Variants in PTPRD observed in about 807,000 individuals in gnomAD.
PTPRD encodes the protein receptor-type tyrosine-protein phosphatase delta.
A neutral mutation model predicts 214.5 loss-of-function variants in PTPRD; 34 were observed. The observed-to-expected ratio is 0.16, with a 90% CI of 0.12 to 0.21. PTPRD has a LOEUF of 0.21. PTPRD is among the 10% of genes least tolerant of loss of function. The probability of loss-of-function intolerance (pLI) is 1.00; values close to 1 mark genes in which losing one functional copy is unlikely to be tolerated. For synonymous variants in PTPRD, 1,128 were observed against 845.7 expected (o/e 1.33, Z -5.79); for missense variants, 2,545 against 2,398.7 (o/e 1.06, Z -1.27).
chr9:10,048,610 T>C (rs2097453262), intron 3 of PTPRD, among the ~76,000 whole-genome samples: 1 of 152,052 alleles, frequency 6.6e-6, no homozygotes, highest in Non-Finnish European at 1.5e-5. Flanking sequence ...AAAACCACTC[T>C]AGAAACTGCT....
At chr9:9,393,586 A>G (rs1018411043) in intron 9 of PTPRD, among the ~76,000 whole-genome samples, 2 of 152,126 alleles carry the variant, frequency 1.3e-5, no homozygotes, top group Non-Finnish European at 2.9e-5. Flanking sequence ...ATCATGAGGA[A>G]TAACAAATTT....
At chr9:9,066,508 C>G (rs2099734618) in intron 10 of PTPRD, among the ~76,000 whole-genome samples, 1 of 152,056 alleles carries the variant, frequency 6.6e-6, no homozygotes, top group Non-Finnish European at 1.5e-5. Context: ...ATAGTCATGT[C>G]TTAATCCTGG....
At chr9:9,575,248 A>G (rs1477715066) in intron 7 of PTPRD, among the ~76,000 whole-genome samples, 2 of 152,164 alleles carry the variant, frequency 1.3e-5, no homozygotes, top group Non-Finnish European at 2.9e-5. Context: ...ATAAATAACT[A>G]TCCGTGATAT....
chr9:9,380,178 A>G (rs1368189112), intron 9 of PTPRD, among the ~76,000 whole-genome samples: 4 of 152,004 alleles, frequency 2.6e-5, no homozygotes, highest in Non-Finnish European at 5.9e-5. Context: ...AACTCTCCCT[A>G]TATCCCTAGT....
intron 3 of PTPRD, among the ~76,000 whole-genome samples, chr9:10,275,749 G>A (rs1446822224): frequency 4.6e-5 from 7 of 152,120 alleles, no homozygotes; most frequent in South Asian, 2.1e-4. Flanking sequence ...AAATGGTCAC[G>A]TTAACAAATC....
chr9:8,860,540 G>T (rs1389478805), intron 11 of PTPRD: 1 of 152,210 alleles, frequency 6.6e-6, no homozygotes, highest in Non-Finnish European at 1.5e-5. Flanking sequence ...TGATGCTGCT[G>T]AAAAACGGGA....
intron 8 of PTPRD, among the ~76,000 whole-genome samples, chr9:9,462,487 A>G (rs1199933574): frequency 8.5e-5 from 13 of 152,150 alleles, no homozygotes; most frequent in Admixed American, 3.3e-4. Flanking sequence ...ACTTAAAATT[A>G]TTTTAGATTT....
rs184044026 is a variant in PTPRD, at chr9:10,549,756, T to C, written c.-600+62642A>G. On this transcript the variant is annotated intron_variant, in intron 2 of 45. Transcript: ENST00000381196. ...TTGTTTGTCTTCTTCATAAAAACTA[T>C]CTGATAATTCTTGGGAGTATTCCAC... Among the ~76,000 whole-genome samples, 265 of 152,296 alleles carry C rather than the reference T, an allele frequency of 1.7e-3. 2 individuals are homozygous for C. The highest frequency in any genetic ancestry group is 6.2e-3 in the African/African-American group (256 of 41,566).
Position 9,726,599 on chromosome 9 carries a change from C to T in PTPRD, c.-287+7934G>A, listed in dbSNP as rs934638142. 2.0e-5 allele frequency among the ~76,000 whole-genome samples: 3 copies of T among 152,272 alleles called. No homozygotes were observed. In the South Asian group the frequency reaches 6.2e-4, roughly 32 times the overall value. Reference sequence around the variant, plus strand: ...GTGTAATATTTCATTTCAGGAATCTCAATCATCTTCCACTATTTCTCATTT... The same window carrying T: ...GTGTAATATTTCATTTCAGGAATCTTAATCATCTTCCACTATTTCTCATTT... On this transcript the variant is annotated intron_variant, in intron 7 of 45. Coordinates refer to ENST00000381196, the MANE Select transcript of PTPRD (RefSeq NM_002839.4).
At chr9:10,462,821 T>C (rs2098968243) in intron 2 of PTPRD, among the ~76,000 whole-genome samples, 1 of 151,796 alleles carries the variant, frequency 6.6e-6, no homozygotes, top group Non-Finnish European at 1.5e-5. Flanking sequence ...GAGAAAGTAG[T>C]ACATTGTAAA....
chr9:9,175,627 A>AGAACAAAC (rs2099924271), intron 10 of PTPRD, among the ~76,000 whole-genome samples: 1 of 18,066 alleles, frequency 5.5e-5, no homozygotes, highest in Admixed American at 1.0e-3. Context: ...TGTCTCAAAA[A>AGAACAAAC]AAAAAAAAAA....
chr9:8,813,201 A>G (rs191445377), intron 11 of PTPRD, among the ~76,000 whole-genome samples: 57 of 152,212 alleles, frequency 3.7e-4, no homozygotes, highest in Non-Finnish European at 4.7e-4. Flanking sequence ...GGAGGGTAGA[A>G]TAATTATCAC....
chr9:8,523,150 G>A (rs1261325963), intron 19 of PTPRD, among the ~76,000 whole-genome samples: 2 of 152,070 alleles, frequency 1.3e-5, no homozygotes, highest in African/African-American at 4.8e-5. Flanking sequence ...TGGGATTAGG[G>A]GAGAAACTAG....
intron 14 of PTPRD, among the ~76,000 whole-genome samples, chr9:8,593,685 C>CT (rs1239644824): frequency 6.6e-6 from 1 of 152,110 alleles, no homozygotes; most frequent in Non-Finnish European, 1.5e-5. Flanking sequence ...AGGCCATATC[C>CT]TTAAGAGGAG....
At chr9:9,546,037 T>G (rs571363082) in intron 8 of PTPRD, among the ~76,000 whole-genome samples, 7 of 151,946 alleles carry the variant, frequency 4.6e-5, no homozygotes, top group African/African-American at 1.7e-4. Flanking sequence ...CTTCATTCTT[T>G]TGGTAGCCAA....
At chr9:9,058,581 C>T (rs2099701080) in intron 10 of PTPRD, among the ~76,000 whole-genome samples, 1 of 150,090 alleles carries the variant, frequency 6.7e-6, no homozygotes. Context: ...TCCCGAGTAG[C>T]TGGGACTACA....
In PTPRD at chr9:8,650,556, G is replaced by T. The variant is rs185592040; in HGVS notation, c.65-13712C>A. Reference sequence around the variant, plus strand: ...AAAAAAAAAAAAAAAAAGTGGATACGTGATGGATAAACAACGGGAAACATA... The same window carrying T: ...AAAAAAAAAAAAAAAAAGTGGATACTTGATGGATAAACAACGGGAAACATA... On this transcript the variant is annotated intron_variant, in intron 12 of 45. Transcript: ENST00000381196. Among the ~76,000 whole-genome samples the T allele has an allele frequency of 2.7e-3, 391 of 146,508 alleles. 1 individual carries two copies. Among genetic ancestry groups the T allele is most frequent in the African/African-American group, 9.3e-3 (373 of 40,252 alleles).
At chr9:9,494,334 G>A (rs910878254) in intron 8 of PTPRD, among the ~76,000 whole-genome samples, 18 of 152,194 alleles carry the variant, frequency 1.2e-4, no homozygotes, top group African/African-American at 2.9e-4. Flanking sequence ...GTTATACTCT[G>A]GGTAAAATGA....
At chr9:9,880,168 T>C (rs1275834133) in intron 5 of PTPRD, among the ~76,000 whole-genome samples, 1 of 152,164 alleles carries the variant, frequency 6.6e-6, no homozygotes, top group East Asian at 1.9e-4. Context: ...TCTCACTTTG[T>C]GCACTCTTTC....
Sources: allele counts gnomAD v4.1 joint callset (sites outside exome capture counted in the v4.1 genomes callset), GRCh38; gene constraint gnomAD v4.1.1; transcripts MANE v1.5; gene names NCBI Gene and HGNC (gene_info 2026-07-23, HGNC 2026-07-21).